The following FYN variants were observed in gnomAD, a reference collection of about 807,000 sequenced individuals.
FYN encodes the protein FYN proto-oncogene, Src family tyrosine kinase.
A neutral mutation model predicts 70.2 loss-of-function variants in FYN; 10 were observed. That is an observed-to-expected ratio of 0.14 (90% confidence interval 0.09 to 0.24). FYN has a LOEUF of 0.24. Ranked by LOEUF, FYN falls within the 10% of genes least tolerant of loss-of-function variation. The pLI is 1.00. For missense variants in FYN, 319 were observed against 673.1 expected (o/e 0.47, Z 5.82); for synonymous variants, 236 against 248.6 (o/e 0.95, Z 0.48).
intron 9 of FYN, chr6:111,699,507 T>G: frequency 1.9e-6 from 3 of 1,610,892 alleles, no homozygotes; most frequent in Non-Finnish European, 2.5e-6. Context: ...ATGTGCCCTC[T>G]GCCTTACCAA....
Position 111,780,654 on chromosome 6 carries a change from AC to A in FYN, c.-81-20del. 1 of 152,656 alleles carries A rather than the reference AC, an allele frequency of 6.6e-6. No individual in the cohort carries two copies. Among genetic ancestry groups the A allele is most frequent in the East Asian group, 1.9e-4 (1 of 5,192 alleles). The allele number at this position is 152,656 out of a possible 1,614,324, so 9.5% of individuals were successfully genotyped here. A position where few individuals can be genotyped will look rare whatever the true frequency, so the allele number is the denominator to read the frequency against. Reference sequence around the variant, plus strand: ...ACTGGTCCTGAAAAACAATACCACAACAAAAGAAAAACCACATCATTAAACA... The same window carrying A: ...ACTGGTCCTGAAAAACAATACCACAAAAAAGAAAAACCACATCATTAAACA... On this transcript the variant is annotated intron_variant, in intron 2 of 13. Transcript: ENST00000354650.
At chr6:111,701,857 G>GC (rs1321430748) in intron 8 of FYN, among the ~76,000 whole-genome samples, 1 of 152,146 alleles carries the variant, frequency 6.6e-6, no homozygotes, top group Non-Finnish European at 1.5e-5. Flanking sequence ...AACTAGTACT[G>GC]CAAGTGCTGT....
intron 2 of FYN, among the ~76,000 whole-genome samples, chr6:111,845,956 C>G (rs944683922): frequency 2.0e-5 from 3 of 152,192 alleles, no homozygotes; most frequent in African/African-American, 7.2e-5. Context: ...TAGCTCAGCC[C>G]TCAGTCAGAG....
intron 8 of FYN, 42 bp from the exon 9 acceptor site, chr6:111,700,310 G>T: frequency 6.2e-7 from 1 of 1,602,686 alleles, no homozygotes; most frequent in South Asian, 1.1e-5. Context: ...GAGAAGAGCA[G>T]AACACATGTA....
chr6:111,745,139 C>T (rs1802149653), intron 3 of FYN, among the ~76,000 whole-genome samples: 2 of 152,122 alleles, frequency 1.3e-5, no homozygotes, highest in Admixed American at 1.3e-4. Flanking sequence ...TGAATCTATC[C>T]ATCCATCCAC....
chr6:111,667,747 T>C (rs1798075200), intron 13 of FYN, among the ~76,000 whole-genome samples: 1 of 152,244 alleles, frequency 6.6e-6, no homozygotes, highest in African/African-American at 2.4e-5. Context: ...AAATGTCTTT[T>C]ATGAAAGAAG....
chr6:111,795,520 T>C (rs1247387777), intron 2 of FYN, among the ~76,000 whole-genome samples: 1 of 152,202 alleles, frequency 6.6e-6, no homozygotes, highest in Non-Finnish European at 1.5e-5. Flanking sequence ...CAGAGCATTA[T>C]TTTGTGGAGT....
chr6:111,841,687 T>C (rs1773360946), intron 2 of FYN, among the ~76,000 whole-genome samples: 1 of 152,220 alleles, frequency 6.6e-6, no homozygotes, highest in African/African-American at 2.4e-5. Context: ...TTTCAACTCT[T>C]TCCTTGAATC....
At chr6:111,707,489 T>C (rs1033709520) in intron 6 of FYN, among the ~76,000 whole-genome samples, 3 of 152,216 alleles carry the variant, frequency 2.0e-5, no homozygotes, top group African/African-American at 7.2e-5. Flanking sequence ...CAGCACTCTT[T>C]TAATATTTCT....
chr6:111,795,872 T>C (rs1315303089), intron 2 of FYN, among the ~76,000 whole-genome samples: 1 of 152,186 alleles, frequency 6.6e-6, no homozygotes, highest in Non-Finnish European at 1.5e-5. Flanking sequence ...TCATGATGAA[T>C]CAATTTCTAT....
intron 3 of FYN, chr6:111,759,025 C>A (rs751355196): frequency 3.3e-5 from 5 of 152,804 alleles, no homozygotes; most frequent in African/African-American, 4.8e-5. Context: ...CCGGCCAGGC[C>A]CATGCGAGTC....
intron 3 of FYN, among the ~76,000 whole-genome samples, chr6:111,759,659 C>T (rs1802915764): frequency 2.0e-5 from 3 of 152,144 alleles, no homozygotes; most frequent in African/African-American, 7.2e-5. Flanking sequence ...ATTTACTCAC[C>T]CACTCATTCA....
At chr6:111,725,208 G>C (rs1801140253) in intron 3 of FYN, among the ~76,000 whole-genome samples, 1 of 152,172 alleles carries the variant, frequency 6.6e-6, no homozygotes, top group Admixed American at 6.5e-5. Flanking sequence ...TCAGTGGAGA[G>C]AGTTAATCCA....
intron 2 of FYN, among the ~76,000 whole-genome samples, chr6:111,796,171 G>A (rs191923707): frequency 2.8e-4 from 42 of 152,276 alleles, no homozygotes; most frequent in Admixed American, 2.2e-3. Flanking sequence ...TCTGACGTTT[G>A]AGCTAGAGCT....
At position 111,661,299 on chromosome 6, in the gene FYN, A is replaced by G. The variant is rs1797721723; in HGVS notation, c.*440T>C. ...TGTCCTGATTGGTTTTTGTTAAAACATGAAAAAAAATTTTATTGTTTTAGA... is the reference window on the plus strand; with the variant it reads ...TGTCCTGATTGGTTTTTGTTAAAACGTGAAAAAAAATTTTATTGTTTTAGA... On this transcript the variant is annotated 3_prime_UTR_variant, in exon 14 of 14. Transcript: ENST00000354650. This position sits in a 1 kb window ranked among gnomAD's most constrained non-coding sequence, Gnocchi z 4.0. The G allele has an allele frequency of 6.5e-6, 1 of 154,210 alleles. No individual in the cohort carries two copies. Among genetic ancestry groups the G allele is most frequent in the Non-Finnish European group, 1.4e-5 (1 of 69,198 alleles). 9.6% of individuals were successfully genotyped at this position (154,210 alleles called of 1,614,324 possible).
chr6:111,864,201 G>A (rs1394504748), intron 1 of FYN, among the ~76,000 whole-genome samples: 1 of 152,158 alleles, frequency 6.6e-6, no homozygotes, highest in Non-Finnish European at 1.5e-5. Flanking sequence ...ATACTAGGCT[G>A]GGAGCTGCTG....
At chr6:111,731,868 A>G (rs1303102767) in intron 3 of FYN, among the ~76,000 whole-genome samples, 2 of 152,168 alleles carry the variant, frequency 1.3e-5, no homozygotes, top group East Asian at 1.9e-4. Flanking sequence ...GGGTGGTTGA[A>G]TATGTCGTGC....
chr6:111,753,436 T>TG (rs1802574054), intron 3 of FYN, among the ~76,000 whole-genome samples: 2 of 152,164 alleles, frequency 1.3e-5, no homozygotes, highest in African/African-American at 4.8e-5. Context: ...AGGCCTAAAA[T>TG]GGGGCTCTGA....
chr6:111,683,843 C>A (rs1297297502), intron 12 of FYN, among the ~76,000 whole-genome samples: 1 of 152,094 alleles, frequency 6.6e-6, no homozygotes, highest in Non-Finnish European at 1.5e-5. Context: ...CAAAGCTGAC[C>A]TGACCTGGAA....
Sources: gnomAD v4.1 joint callset for allele counts (sites outside exome capture counted in the v4.1 genomes callset) on GRCh38, gnomAD v4.1.1 for gene constraint, Gnocchi (gnomAD v3.1) non-coding constraint, MANE v1.5 for transcripts, NCBI Gene and HGNC (gene_info 2026-07-23, HGNC 2026-07-21) for gene names.